Variants in FBXW12 observed in about 807,000 individuals in gnomAD.
FBXW12 encodes F-box/WD repeat-containing protein 12.
FBXW12 carries 43 observed loss-of-function variants against 55.3 expected under a neutral mutation model. That is an observed-to-expected ratio of 0.78 (90% CI 0.61 to 1.00). FBXW12 has a LOEUF of 1.00. FBXW12 is among the 50% of genes least tolerant of loss of function. The pLI is 0.00. For missense variants in FBXW12, 524 were observed against 560.5 expected, an observed-to-expected ratio of 0.93 and a Z score of 0.66; for synonymous variants, 184 against 203.8, an observed-to-expected ratio of 0.90 and a Z score of 0.83.
Position 48,394,689 on chromosome 3 carries a change from C to G in FBXW12, c.*30C>G, listed in dbSNP as rs747280281. On this transcript the variant is annotated 3_prime_UTR_variant, in exon 11 of 11. Transcript: ENST00000296438. ...GAAACTAACAAAATTGACCTTGCAT[C>G]ATCTTCTGCAATGTAGTAAAGAAAT... The G allele has an allele frequency of 7.0e-6, 8 of 1,143,886 alleles. No individual in the cohort carries two copies. Among genetic ancestry groups the G allele is most frequent in the Non-Finnish European group, 1.0e-5 (8 of 769,576 alleles). 70.9% of individuals were successfully genotyped at this position (1,143,886 alleles called of 1,614,324 possible). A position where few individuals can be genotyped will look rare whatever the true frequency, so the allele number is the denominator to read the frequency against.
intron 4 of FBXW12, 102 bp from the exon 5 acceptor site, chr3:48,375,252 C>A: frequency 1.3e-6 from 1 of 783,264 alleles, no homozygotes; most frequent in Non-Finnish European, 2.1e-6. Context: ...TATTGTTACC[C>A]AAACCTTCCT....
intron 10 of FBXW12, among the ~76,000 whole-genome samples, chr3:48,387,873 T>C (rs2036869436): frequency 6.6e-6 from 1 of 152,162 alleles, no homozygotes; most frequent in Non-Finnish European, 1.5e-5. Context: ...CATTTATTAG[T>C]CTCTTAAGGT....
chr3:48,379,389 T>C lies in FBXW12; in HGVS notation c.616-11T>C, dbSNP rs759019018. 5.6e-6 allele frequency: 9 copies of C among 1,613,910 alleles called. No individual in the cohort carries two copies. Among genetic ancestry groups the C allele is most frequent in the Non-Finnish European group, 7.6e-6 (9 of 1,179,794 alleles). ...CTTCCTATTGATATGGTGGGGATGCTTTGGTTTCAGGTTGGCGATGCTGCA... is the reference window on the plus strand; with the variant it reads ...CTTCCTATTGATATGGTGGGGATGCCTTGGTTTCAGGTTGGCGATGCTGCA... On this transcript the variant is annotated splice_polypyrimidine_tract_variant and intron_variant, in intron 6 of 10. Coordinates refer to ENST00000296438, the MANE Select transcript of FBXW12 (RefSeq NM_207102.2).
intron 5 of FBXW12, 113 bp from the exon 6 acceptor site, chr3:48,378,204 C>T: frequency 1.2e-6 from 1 of 808,314 alleles, no homozygotes; most frequent in East Asian, 2.6e-5. Flanking sequence ...ATCCTCTGCC[C>T]AGAAGCAAGA....
At chr3:48,373,735 G>T in intron 4 of FBXW12, 30 bp downstream of exon 4, 1 of 1,587,928 alleles carries the variant, frequency 6.3e-7, no homozygotes, top group Non-Finnish European at 8.6e-7. Context: ...AGAGGAACAT[G>T]AGCAGCTTGT....
At chr3:48,375,974 CTTTTTTTTT>C (rs34834484) in intron 5 of FBXW12, among the ~76,000 whole-genome samples, 10 of 40,618 alleles carry the variant, frequency 2.5e-4, no homozygotes, top group African/African-American at 8.5e-4. Context: ...TGCGCCCGGC[CTTTTTTTTT>C]TTTTTTTTTT....
intron 10 of FBXW12, among the ~76,000 whole-genome samples, chr3:48,393,301 T>C (rs1034730032): frequency 1.3e-5 from 2 of 151,964 alleles, no homozygotes; most frequent in East Asian, 3.9e-4. Context: ...TGGCCTGGGG[T>C]ACCATTTCTA....
chr3:48,373,256 T>C (rs747436675), intron 2 of FBXW12, 52 bp from the exon 3 acceptor site: 19 of 1,613,862 alleles, frequency 1.2e-5, no homozygotes, highest in East Asian at 2.2e-5. Context: ...GGATTACCCT[T>C]GCTCTCTGAT....
intron 2 of FBXW12, 48 bp downstream of exon 2, chr3:48,372,905 C>G: frequency 6.4e-7 from 1 of 1,559,860 alleles, no homozygotes; most frequent in East Asian, 2.2e-5. Flanking sequence ...CTGCTTCTCT[C>G]GACCAGTTTG....
At chr3:48,377,893 T>A (rs906277568) in intron 5 of FBXW12, among the ~76,000 whole-genome samples, 1 of 152,226 alleles carries the variant, frequency 6.6e-6, no homozygotes, top group African/African-American at 2.4e-5. Context: ...GTATGTAATG[T>A]ACAAGGTTGA....
chr3:48,372,570 C>A, intron 1 of FBXW12, 114 bp from the exon 2 acceptor site: 2 of 1,278,230 alleles, frequency 1.6e-6, no homozygotes, highest in Non-Finnish European at 2.1e-6. Flanking sequence ...TGCCTGCCAG[C>A]TGTGTGGATC....
Position 48,381,958 on chromosome 3 carries a change from C to T in FBXW12, c.1168C>T (p.Pro390Ser). ...QAAINNFWVD[P>S]CYVLTTSENS... ...TCACTCTGGCTATCCTTGGAAGGAT[C>T]CTTGCTATGTGCTCACCACATCCGA... Residue 390 changes from proline (P) to serine (S), a missense_variant, in exon 10 of 11, where the codon CCT becomes TCT. By Grantham distance (74) the Pro-to-Ser change is moderately conservative. Coordinates refer to ENST00000296438, the MANE Select transcript of FBXW12 (RefSeq NM_207102.2). 6.2e-7 allele frequency: 1 copy of T among 1,614,162 alleles called. No individual in the cohort carries two copies. The highest frequency in any genetic ancestry group is 8.5e-7 in the Non-Finnish European group (1 of 1,180,022).
At chr3:48,372,389 C>A in intron 1 of FBXW12, 69 bp downstream of exon 1, 2 of 1,510,792 alleles carry the variant, frequency 1.3e-6, no homozygotes, top group South Asian at 1.2e-5. Context: ...GTCATAGAGA[C>A]ACTCAGATCT....
intron 8 of FBXW12, among the ~76,000 whole-genome samples, chr3:48,381,215 G>A (rs1482027706): frequency 6.6e-6 from 1 of 151,942 alleles, no homozygotes; most frequent in East Asian, 1.9e-4. Context: ...GTAGAGACAG[G>A]GTTTCACCCT....
intron 4 of FBXW12, among the ~76,000 whole-genome samples, chr3:48,374,482 C>T (rs2036653959): frequency 6.6e-6 from 1 of 152,086 alleles, no homozygotes; most frequent in African/African-American, 2.4e-5. Flanking sequence ...CATTTACCAC[C>T]ATGCCCAACT....
chr3:48,388,456 A>G (rs1179005640), intron 10 of FBXW12, among the ~76,000 whole-genome samples: 3 of 152,110 alleles, frequency 2.0e-5, no homozygotes, highest in Non-Finnish European at 2.9e-5. Flanking sequence ...CACATTTAGG[A>G]TTAATATATC....
chr3:48,387,623 C>T (rs1276217417), intron 10 of FBXW12, among the ~76,000 whole-genome samples: 2 of 152,148 alleles, frequency 1.3e-5, no homozygotes, highest in Admixed American at 6.6e-5. Flanking sequence ...TGTCAGCTCA[C>T]TACAACCTCT....
chr3:48,381,022 G>GTTTTT, intron 8 of FBXW12, 110 bp downstream of exon 8: 52 of 572,276 alleles, frequency 9.1e-5, no homozygotes, highest in South Asian at 1.1e-4. Context: ...GGGATTTCTA[G>GTTTTT]TTTTTTTTTT....
At chr3:48,378,215 A>C in intron 5 of FBXW12, 102 bp from the exon 6 acceptor site, 1 of 865,174 alleles carries the variant, frequency 1.2e-6, no homozygotes, top group Non-Finnish European at 1.9e-6. Context: ...AGAAGCAAGA[A>C]GATCTGATTT....
Sources: gnomAD v4.1 joint callset for allele counts (sites outside exome capture counted in the v4.1 genomes callset) on GRCh38, gnomAD v4.1.1 for gene constraint, MANE v1.5 for transcripts, NCBI Gene and HGNC (gene_info 2026-07-23, HGNC 2026-07-21) for gene names.